Variants in GRIK3 observed in about 807,000 individuals in gnomAD.
GRIK3 encodes glutamate ionotropic receptor kainate type subunit 3, also known as glutamate receptor ionotropic, kainate 3.
In GRIK3, 29 loss-of-function variants were observed where a neutral mutation model predicts 102.5. The observed-to-expected ratio is 0.28, with a 90% confidence interval of 0.21 to 0.39. The LOEUF (loss-of-function observed/expected upper bound fraction) is 0.39. Among genes scored for constraint, GRIK3 ranks in the 10% least tolerant of loss-of-function variants. The pLI, the probability that GRIK3 is intolerant of heterozygous loss-of-function variation, is 1.00. For missense variants in GRIK3, 908 were observed against 1,252.4 expected (o/e 0.73, Z 4.15); for synonymous variants, 511 against 504.9 (o/e 1.01, Z -0.16).
At chr1:36,937,821 C>A (rs1179042397) in intron 1 of GRIK3, among the ~76,000 whole-genome samples, 1 of 152,212 alleles carries the variant, frequency 6.6e-6, no homozygotes, top group Non-Finnish European at 1.5e-5. Flanking sequence ...ATGAATTAAG[C>A]CAGTTGGAGG....
chr1:37,017,369 TAAAAAAAAAAAAA>T lies in GRIK3; in HGVS notation c.115+16612_115+16624del, dbSNP rs774819790. On this transcript the variant is annotated intron_variant, in intron 1 of 15. Coordinates refer to ENST00000373091, the MANE Select transcript of GRIK3 (RefSeq NM_000831.4). Reference sequence around the variant, plus strand: ...GGCAACATAGTGAGACCCTGTCTCTTAAAAAAAAAAAAAAAAAAAAAAAAAAGAAGAAGAAAAA... The same window carrying T: ...GGCAACATAGTGAGACCCTGTCTCTTAAAAAAAAAAAAAGAAGAAGAAAAA... Among the ~76,000 whole-genome samples, 294 of 48,524 alleles carry T rather than the reference TAAAAAAAAAAAAA, an allele frequency of 6.1e-3. 3 individuals are homozygous for T. The highest frequency in any genetic ancestry group is 6.9e-3 in the Non-Finnish European group (199 of 28,802). The allele number at this position is 48,524 out of a possible 152,430, so 31.8% of individuals were successfully genotyped here.
At chr1:36,965,993 G>C (rs116367396) in intron 1 of GRIK3, among the ~76,000 whole-genome samples, 3,232 of 152,302 alleles carry the variant, frequency 0.021, 123 homozygotes, top group African/African-American at 0.075. Flanking sequence ...AGCCAGCACA[G>C]TGCTATATTA....
intron 1 of GRIK3, among the ~76,000 whole-genome samples, chr1:36,935,678 G>A (rs138509930): frequency 7.9e-5 from 12 of 152,216 alleles, no homozygotes; most frequent in Non-Finnish European, 1.5e-4. Context: ...CATTCAAGTC[G>A]GAAATGATCC....
chr1:36,879,535 A>G (rs1640942864), intron 3 of GRIK3, among the ~76,000 whole-genome samples: 1 of 152,178 alleles, frequency 6.6e-6, no homozygotes. Context: ...TGAGATCCAA[A>G]GGAAAAGCCA....
intron 4 of GRIK3, among the ~76,000 whole-genome samples, chr1:36,871,361 G>A (rs184167865): frequency 9.8e-5 from 15 of 152,286 alleles, no homozygotes; most frequent in East Asian, 3.9e-4. Flanking sequence ...AGAACACTCC[G>A]GCTCAGCGTG....
At chr1:36,846,012 G>A (rs1013456383) in intron 9 of GRIK3, among the ~76,000 whole-genome samples, 3 of 152,340 alleles carry the variant, frequency 2.0e-5, no homozygotes, top group East Asian at 1.9e-4. Context: ...ACACCCGCAC[G>A]CATGCCCACA....
intron 15 of GRIK3, among the ~76,000 whole-genome samples, chr1:36,802,382 A>G (rs965474398): frequency 1.3e-5 from 2 of 152,184 alleles, no homozygotes; most frequent in Non-Finnish European, 2.9e-5. Flanking sequence ...CTCGGAGGGC[A>G]GGAACCAGCC....
At chr1:36,833,262 T>G (rs1377983522) in intron 10 of GRIK3, among the ~76,000 whole-genome samples, 2 of 152,190 alleles carry the variant, frequency 1.3e-5, no homozygotes, top group African/African-American at 4.8e-5. Context: ...GTCCCCTGCC[T>G]GCCTCTCTCC....
At chr1:36,957,573 C>T (rs1027035822) in intron 1 of GRIK3, among the ~76,000 whole-genome samples, 3 of 125,210 alleles carry the variant, frequency 2.4e-5, no homozygotes, top group African/African-American at 9.0e-5. Flanking sequence ...CTCTGTGAGT[C>T]TGTGCCCTGT....
rs542042930 is a variant in GRIK3, at chr1:36,850,134, C to T, written c.1326+177G>A. The T allele has an allele frequency of 1.5e-4, 89 of 579,760 alleles. No homozygotes were observed. The highest frequency in any genetic ancestry group is 2.4e-4 in the Non-Finnish European group (79 of 325,632). 35.9% of individuals were successfully genotyped at this position (579,760 alleles called of 1,614,324 possible). A position where few individuals can be genotyped will look rare whatever the true frequency, so the allele number is the denominator to read the frequency against. ...ACGCAGCGGCTTCCGCCCGTGGCAG[C>T]GAGCAGCGCTGCTGCGCTCCAGCTG... On this transcript the variant is annotated intron_variant, in intron 9 of 15. Transcript: ENST00000373091. This position sits in a 1 kb window ranked among gnomAD's most constrained non-coding sequence, Gnocchi z 4.0.
chr1:37,019,009 G>A (rs752317549), intron 1 of GRIK3, among the ~76,000 whole-genome samples: 2 of 152,086 alleles, frequency 1.3e-5, no homozygotes, highest in Non-Finnish European at 2.9e-5. Flanking sequence ...TCCAAGAACA[G>A]CCATGTCCAG....
intron 1 of GRIK3, among the ~76,000 whole-genome samples, chr1:37,016,023 C>T (rs1057243886): frequency 6.6e-6 from 1 of 152,216 alleles, no homozygotes; most frequent in Non-Finnish European, 1.5e-5. Context: ...GGTAATGCCA[C>T]CCAAGAGACA....
intron 2 of GRIK3, among the ~76,000 whole-genome samples, chr1:36,885,676 C>G (rs1641030111): frequency 6.6e-6 from 1 of 152,178 alleles, no homozygotes; most frequent in Non-Finnish European, 1.5e-5. Flanking sequence ...TGAGGACTTC[C>G]CAGCTGGGAA....
chr1:36,814,167 C>A (rs887692541), intron 13 of GRIK3, among the ~76,000 whole-genome samples: 1 of 152,086 alleles, frequency 6.6e-6, no homozygotes, highest in Non-Finnish European at 1.5e-5. Context: ...GGCAGCAGCT[C>A]GGTGGGGAGC....
At chr1:37,013,083 G>A (rs1377347130) in intron 1 of GRIK3, among the ~76,000 whole-genome samples, 1 of 152,178 alleles carries the variant, frequency 6.6e-6, no homozygotes, top group Non-Finnish European at 1.5e-5. Flanking sequence ...TCACAATCAT[G>A]GCAGAAGGTA....
chr1:36,924,806 C>T (rs905254045), intron 1 of GRIK3, among the ~76,000 whole-genome samples: 6 of 152,138 alleles, frequency 3.9e-5, no homozygotes, highest in Non-Finnish European at 8.8e-5. Context: ...CTTGAGCACA[C>T]GTGCACACAC....
chr1:36,978,385 C>T (rs1642216684), intron 1 of GRIK3, among the ~76,000 whole-genome samples: 1 of 152,230 alleles, frequency 6.6e-6, no homozygotes, highest in Non-Finnish European at 1.5e-5. Context: ...CAGACCTCCA[C>T]AGGTTTATGG....
chr1:36,864,916 C>A (rs1640766517), intron 5 of GRIK3, among the ~76,000 whole-genome samples: 1 of 151,956 alleles, frequency 6.6e-6, no homozygotes, highest in South Asian at 2.1e-4. Flanking sequence ...TGTGTGCAAC[C>A]TTGCTGCTTG....
intron 1 of GRIK3, among the ~76,000 whole-genome samples, chr1:36,894,634 A>G (rs1641153193): frequency 6.6e-6 from 1 of 152,182 alleles, no homozygotes; most frequent in South Asian, 2.1e-4. Context: ...GAGAATTACA[A>G]ATTAATGGAG....
Sources: allele counts gnomAD v4.1 joint callset (sites outside exome capture counted in the v4.1 genomes callset), GRCh38; gene constraint gnomAD v4.1.1; non-coding constraint Gnocchi (gnomAD v3.1); transcripts MANE v1.5; gene names NCBI Gene and HGNC (gene_info 2026-07-23, HGNC 2026-07-21).